The following SNX8 variants were observed in gnomAD, a reference collection of about 807,000 sequenced individuals.
The protein encoded by SNX8 is sorting nexin-8.
In SNX8, 25 loss-of-function variants were observed where a neutral mutation model predicts 51.6. That is an observed-to-expected ratio of 0.48 (90% CI 0.35 to 0.68). The LOEUF (loss-of-function observed/expected upper bound fraction) is 0.68. Among genes scored for constraint, SNX8 ranks in the 30% least tolerant of loss-of-function variants. The pLI is 0.00. For synonymous variants in SNX8, 324 were observed against 277.0 expected, an observed-to-expected ratio of 1.17 and a Z score of -1.68; for missense variants, 695 against 624.0, an observed-to-expected ratio of 1.11 and a Z score of -1.21.
At chr7:2,255,463 G>A (rs560032749) in intron 10 of SNX8, among the ~76,000 whole-genome samples, 106 of 152,340 alleles carry the variant, frequency 7.0e-4, no homozygotes, top group African/African-American at 2.4e-3. Context: ...CGTTACTATC[G>A]CGTCACTGCC....
intron 1 of SNX8, among the ~76,000 whole-genome samples, chr7:2,281,097 G>T (rs906682739): frequency 6.6e-6 from 1 of 151,878 alleles, no homozygotes; most frequent in African/African-American, 2.4e-5. Flanking sequence ...CCGGCCAGAT[G>T]CCCATATTTG....
chr7:2,285,333 G>A (rs921104664), intron 1 of SNX8, among the ~76,000 whole-genome samples: 3 of 152,162 alleles, frequency 2.0e-5, no homozygotes, highest in Non-Finnish European at 4.4e-5. Context: ...AGGTTGCGGT[G>A]AGCCAAGTTC....
rs1795138197 is a variant in SNX8, at chr7:2,254,939, T to G, written c.*117A>C. On this transcript the variant is annotated 3_prime_UTR_variant, in exon 11 of 11. Transcript: ENST00000222990. ...CAGGCGTGAGCTCCTCTGCTCCAGCTGCAGCACGGGGCGTGGCGGGGAGGG... is the reference window on the plus strand; with the variant it reads ...CAGGCGTGAGCTCCTCTGCTCCAGCGGCAGCACGGGGCGTGGCGGGGAGGG... The G allele has an allele frequency of 2.6e-6, 2 of 754,888 alleles. No individual in the cohort carries two copies. Among genetic ancestry groups the G allele is most frequent in the African/African-American group, 1.7e-5 (1 of 58,352 alleles). The allele number at this position is 754,888 out of a possible 1,614,324, so 46.8% of individuals were successfully genotyped here. A position where few individuals can be genotyped will look rare whatever the true frequency, so the allele number is the denominator to read the frequency against.
chr7:2,334,492 G>T (rs932252580), intron 1 of SNX8, among the ~76,000 whole-genome samples: 1 of 151,966 alleles, frequency 6.6e-6, no homozygotes, highest in Non-Finnish European at 1.5e-5. Flanking sequence ...GAGGTCAGGA[G>T]TTGGAGACCA....
At chr7:2,323,651 C>T (rs1056316417) in intron 1 of SNX8, among the ~76,000 whole-genome samples, 9 of 152,160 alleles carry the variant, frequency 5.9e-5, no homozygotes, top group African/African-American at 2.2e-4. Flanking sequence ...CTGTTCACAA[C>T]GCATTGGCCA....
chr7:2,258,769 C>T (rs1795262396), intron 7 of SNX8, among the ~76,000 whole-genome samples: 1 of 152,130 alleles, frequency 6.6e-6, no homozygotes, highest in Non-Finnish European at 1.5e-5. Context: ...CAGCGGTGGA[C>T]ACAGGCTCCT....
chr7:2,259,030 G>A (rs1795271625), intron 7 of SNX8, among the ~76,000 whole-genome samples: 1 of 152,170 alleles, frequency 6.6e-6, no homozygotes, highest in Non-Finnish European at 1.5e-5. Flanking sequence ...GGGGGCGCAG[G>A]CCAGGCACAG....
upstream of SNX8, among the ~76,000 whole-genome samples, chr7:2,317,119 AGGGCACGAAGGCTCTG>A (rs1796769608): frequency 6.6e-6 from 1 of 151,958 alleles, no homozygotes; most frequent in South Asian, 2.1e-4. Flanking sequence ...AAGTAGGAGG[AGGGCACGAAGGCTCTG>A]AGACATCAGC....
chr7:2,262,659 G>C (rs1795364984), intron 7 of SNX8, among the ~76,000 whole-genome samples: 1 of 152,208 alleles, frequency 6.6e-6, no homozygotes, highest in Non-Finnish European at 1.5e-5. Flanking sequence ...CAAAGACAGA[G>C]TCTGTCTTCC....
chr7:2,256,763 C>A, intron 10 of SNX8, 111 bp downstream of exon 10: 5 of 1,122,000 alleles, frequency 4.5e-6, no homozygotes, highest in Non-Finnish European at 6.2e-6. Context: ...CCCAACTCCA[C>A]TAAAGAACCT....
At chr7:2,343,761 G>A (rs1431974052) in intron 1 of SNX8, among the ~76,000 whole-genome samples, 2 of 152,160 alleles carry the variant, frequency 1.3e-5, no homozygotes, top group East Asian at 3.8e-4. Flanking sequence ...GCTCACACCT[G>A]TAATCCTAGC....
intron 2 of SNX8, among the ~76,000 whole-genome samples, chr7:2,277,422 C>T (rs1389847219): frequency 1.3e-5 from 2 of 152,170 alleles, no homozygotes; most frequent in African/African-American, 4.8e-5. Context: ...CATTCTAATC[C>T]TCGGGGGTTT....
chr7:2,319,645 C>T (rs1028426610), intron 1 of SNX8, among the ~76,000 whole-genome samples: 3 of 152,296 alleles, frequency 2.0e-5, no homozygotes, highest in Admixed American at 2.0e-4. Flanking sequence ...GAAACCCCGT[C>T]TCTACTAAAA....
chr7:2,314,217 G>C, intron 1 of SNX8, 111 bp downstream of exon 1: 1 of 1,105,720 alleles, frequency 9.0e-7, no homozygotes, highest in African/African-American at 1.6e-5. Context: ...CGCGGGGCGC[G>C]GGGGCAGGAA....
intron 1 of SNX8, among the ~76,000 whole-genome samples, chr7:2,334,004 A>T (rs1215189216): frequency 6.6e-6 from 1 of 151,904 alleles, no homozygotes; most frequent in Non-Finnish European, 1.5e-5. Flanking sequence ...GCAGAGGGGC[A>T]CACACCTGTA....
chr7:2,263,198 G>C, intron 7 of SNX8, 32 bp downstream of exon 7: 5 of 1,611,900 alleles, frequency 3.1e-6, no homozygotes, highest in Non-Finnish European at 4.2e-6. Context: ...GTGTTCTCTG[G>C]AACAGGCGCC....
At chr7:2,332,126 G>A (rs549643170) in intron 1 of SNX8, among the ~76,000 whole-genome samples, 1 of 151,634 alleles carries the variant, frequency 6.6e-6, no homozygotes, top group Non-Finnish European at 1.5e-5. Flanking sequence ...AGGATCGCTT[G>A]AGCCTCGGAA....
At position 2,294,814 on chromosome 7, in the gene SNX8, C is replaced by T. The variant is rs1172328525; in HGVS notation, c.95-16509G>A. Reference sequence around the variant, plus strand: ...CTTTGTGAGGCCAAACAGGGAGGATCACTTGAGCCAGGAGCTGGAGACCAG... The same window carrying T: ...CTTTGTGAGGCCAAACAGGGAGGATTACTTGAGCCAGGAGCTGGAGACCAG... On this transcript the variant is annotated intron_variant, in intron 1 of 10. Transcript: ENST00000222990. Among the ~76,000 whole-genome samples, 3 of 152,038 alleles carry T rather than the reference C, an allele frequency of 2.0e-5. No individual in the cohort carries two copies. The East Asian group carries it at 5.8e-4, about 29-fold the overall frequency.
chr7:2,339,611 T>C (rs1467305622), intron 1 of SNX8, among the ~76,000 whole-genome samples: 3 of 152,182 alleles, frequency 2.0e-5, no homozygotes, highest in South Asian at 2.1e-4. Flanking sequence ...ATAAAATTAA[T>C]GTAATTTCCA....
Sources: allele counts gnomAD v4.1 joint callset (sites outside exome capture counted in the v4.1 genomes callset), GRCh38; gene constraint gnomAD v4.1.1; transcripts MANE v1.5; gene names NCBI Gene and HGNC (gene_info 2026-07-23, HGNC 2026-07-21).